Variants in ZNF516 observed in about 807,000 individuals in gnomAD.
ZNF516 encodes zinc finger protein 516.
ZNF516 carries 19 observed loss-of-function variants against 79.7 expected under a neutral mutation model. The ratio of observed to expected loss-of-function variants is 0.24; its 90% CI spans 0.17 to 0.35. The LOEUF (loss-of-function observed/expected upper bound fraction) is 0.35, where lower values mean the gene tolerates loss of function less well. ZNF516 is among the 10% of genes least tolerant of loss of function. ZNF516 has a pLI of 1.00. For missense variants in ZNF516, 1,678 were observed against 1,679.5 expected (o/e 1.00, Z 0.02); for synonymous variants, 877 against 739.5 (o/e 1.19, Z -3.02).
intron 1 of ZNF516, among the ~76,000 whole-genome samples, chr18:76,482,596 G>T (rs1914588947): frequency 2.6e-5 from 4 of 152,244 alleles, no homozygotes; most frequent in Admixed American, 6.5e-5. Flanking sequence ...ATGTTCAGTA[G>T]ACTGAAGGGT....
chr18:76,480,494 T>TACACACAC (rs910430019), intron 1 of ZNF516, among the ~76,000 whole-genome samples: 17 of 131,148 alleles, frequency 1.3e-4, no homozygotes, highest in East Asian at 4.3e-4. Context: ...CATATACACA[T>TACACACAC]ACACACACAC....
intron 5 of ZNF516, among the ~76,000 whole-genome samples, chr18:76,371,038 T>G (rs1723220491): frequency 6.6e-6 from 1 of 152,198 alleles, no homozygotes; most frequent in South Asian, 2.1e-4. Context: ...CTGAGGGATT[T>G]TGCAGTACAT....
chr18:76,491,650 C>A, intron 1 of ZNF516: 1 of 712,538 alleles, frequency 1.4e-6, no homozygotes, highest in South Asian at 6.2e-5. Context: ...CCTGGCAGCC[C>A]AGCAACAAGC....
chr18:76,442,566 G>C lies in ZNF516; in HGVS notation c.489C>G (p.Ser163=). The C allele has an allele frequency of 2.5e-6, 4 of 1,598,618 alleles. No homozygotes were observed. Among genetic ancestry groups the C allele is most frequent in the Non-Finnish European group, 3.4e-6 (4 of 1,179,418 alleles). Residue 163 remains serine, a synonymous_variant, in exon 3 of 7, where the codon TCC becomes TCG. Coordinates refer to ENST00000443185, the MANE Select transcript of ZNF516 (RefSeq NM_014643.4). ...LRSSKKGAEG[S]ACAPGEAKAA... is the part of the protein sequence containing the mutation. ...CCTTGGCCTCCCCCGGGGCGCATGC[G>C]GACCCCTCTGCCCCCTTCTTGCTGC...
chr18:76,472,262 C>A (rs566682572), intron 1 of ZNF516, among the ~76,000 whole-genome samples: 4 of 152,280 alleles, frequency 2.6e-5, no homozygotes, highest in Admixed American at 6.5e-5. Flanking sequence ...AATTCACAGT[C>A]AAGATGATGT....
intron 4 of ZNF516, among the ~76,000 whole-genome samples, chr18:76,376,298 C>T (rs1024014717): frequency 6.6e-6 from 1 of 152,102 alleles, no homozygotes; most frequent in African/African-American, 2.4e-5. Context: ...TACTCTATAC[C>T]CGGGAAGCCA....
chr18:76,455,418 T>C (rs1017157685), intron 2 of ZNF516, among the ~76,000 whole-genome samples: 1 of 152,194 alleles, frequency 6.6e-6, no homozygotes, highest in East Asian at 1.9e-4. Flanking sequence ...ATGCAAATGT[T>C]GTGAACAGTT....
intron 1 of ZNF516, among the ~76,000 whole-genome samples, chr18:76,478,920 G>A (rs771525005): frequency 4.6e-5 from 7 of 152,112 alleles, no homozygotes; most frequent in African/African-American, 1.2e-4. Flanking sequence ...GCTGGGCATG[G>A]TTGTGTGCGC....
At chr18:76,448,935 T>G (rs1230377231) in intron 2 of ZNF516, among the ~76,000 whole-genome samples, 1 of 152,172 alleles carries the variant, frequency 6.6e-6, no homozygotes, top group Non-Finnish European at 1.5e-5. Flanking sequence ...TTTGCAAGGA[T>G]TGGCCAGGTT....
At chr18:76,492,197 C>G in intron 1 of ZNF516, 11 of 985,472 alleles carry the variant, frequency 1.1e-5, no homozygotes, top group Admixed American at 6.1e-5. Context: ...CCCCGCGGTG[C>G]TCCCGGAAGA....
At position 76,384,156 on chromosome 18, in the gene ZNF516, G is replaced by A. The variant is rs542042426; in HGVS notation, c.1811-3853C>T. ...CGTGTGCACTCCATCTACTGCACAC[G>A]CGAGGTGAACCTCCCAGAGAAATTA... On this transcript the variant is annotated intron_variant, in intron 3 of 6. Coordinates refer to ENST00000443185, the MANE Select transcript of ZNF516 (RefSeq NM_014643.4). Among the ~76,000 whole-genome samples, 14 of 152,128 alleles carry A rather than the reference G, an allele frequency of 9.2e-5. No individual in the cohort carries two copies. The East Asian group carries it at 1.7e-3, about 19-fold the overall frequency.
chr18:76,479,856 CA>C (rs1212205794), intron 1 of ZNF516, among the ~76,000 whole-genome samples: 3 of 152,232 alleles, frequency 2.0e-5, no homozygotes, highest in African/African-American at 7.2e-5. Flanking sequence ...ACCACTGTGG[CA>C]CTTGGGACAG....
At chr18:76,402,667 A>C (rs140773040) in intron 3 of ZNF516, among the ~76,000 whole-genome samples, 2 of 152,218 alleles carry the variant, frequency 1.3e-5, no homozygotes, top group African/African-American at 4.8e-5. Context: ...CTGAACGACT[A>C]AACTCCGCTC....
At chr18:76,401,770 A>ACCACCAACCACACCCCCGCGCCGCACC (rs1568261832) in intron 3 of ZNF516, among the ~76,000 whole-genome samples, 11 of 552 alleles carry the variant, frequency 0.02, no homozygotes, top group Non-Finnish European at 0.032. Flanking sequence ...CCCGCGCTCC[A>ACCACCAACCACACCCCCGCGCCGCACC]TCTCTCCACC....
intron 1 of ZNF516, among the ~76,000 whole-genome samples, chr18:76,469,927 C>T (rs11663553): frequency 0.42 from 63,724 of 152,114 alleles, 16,315 homozygotes; most frequent in Non-Finnish European, 0.56. Flanking sequence ...ATTTGAAATG[C>T]TTTAAAATTG....
intron 3 of ZNF516, among the ~76,000 whole-genome samples, chr18:76,398,909 CT>C (rs1399954864): frequency 1.3e-5 from 2 of 151,776 alleles, no homozygotes; most frequent in African/African-American, 4.8e-5. Flanking sequence ...TGTAATGAGT[CT>C]TTAAAAAAAA....
rs1246516614 is a variant in ZNF516 at position 76,439,289 on chromosome 18, G to A, written c.1810+1956C>T. ...CAGCTGTTGTGAGTGAAAAGTTGGT[G>A]TTTTTAGATAGAAAGATACTGTCCT... On this transcript the variant is annotated intron_variant, in intron 3 of 6. Transcript: ENST00000443185. Among the ~76,000 whole-genome samples, 4 of 152,176 alleles carry A rather than the reference G, an allele frequency of 2.6e-5. No homozygotes were observed. In the East Asian group the frequency reaches 7.7e-4, roughly 29 times the overall value.
In ZNF516 at chr18:76,379,762, G is replaced by A. The variant is rs17059302; in HGVS notation, c.2352C>T (p.Arg784=). The A allele has an allele frequency of 0.095, 153,723 of 1,613,726 alleles. 8,904 individuals carry two copies. The highest frequency in any genetic ancestry group is 0.24 in the African/African-American group (17,981 of 74,998). Residue 784 remains arginine (R), a synonymous_variant, in exon 4 of 7, where the codon CGC becomes CGT. Transcript: ENST00000443185. ...GGGGAGCCACGGAGTTGCAGCTGAC[G>A]CGGTGCCAGATGCGTTTGTGCATCC... The part of the protein sequence containing the change: ...VLWMHKRIWH[R]VSCNSVAPPW...
intron 3 of ZNF516, among the ~76,000 whole-genome samples, chr18:76,405,405 C>T (rs994074403): frequency 6.6e-6 from 1 of 152,132 alleles, no homozygotes; most frequent in African/African-American, 2.4e-5. Flanking sequence ...GGACAGGACA[C>T]TCAGGAAGGG....
Sources: gnomAD v4.1 joint callset for allele counts (sites outside exome capture counted in the v4.1 genomes callset) on GRCh38, gnomAD v4.1.1 for gene constraint, MANE v1.5 for transcripts, NCBI Gene and HGNC (gene_info 2026-07-23, HGNC 2026-07-21) for gene names.